SH3BGR: variants seen among roughly 807,000 people sequenced by gnomAD.
SH3BGR encodes the protein SH3 domain-binding glutamic acid-rich protein.
A neutral mutation model predicts 24.5 loss-of-function variants in SH3BGR; 29 were observed. The observed-to-expected ratio is 1.18, with a 90% CI of 0.88 to 1.61. The LOEUF is 1.61. SH3BGR is among the 40% of genes most tolerant of loss of function. The pLI is 0.00. For missense variants in SH3BGR, 162 were observed against 205.8 expected (o/e 0.79, Z 1.30); for synonymous variants, 55 against 65.7 (o/e 0.84, Z 0.79).
intron 3 of SH3BGR, among the ~76,000 whole-genome samples, chr21:39,497,568 A>T (rs1009427622): frequency 6.6e-6 from 1 of 152,074 alleles, no homozygotes; most frequent in African/African-American, 2.4e-5. Flanking sequence ...ATATAGAAAG[A>T]TACTCTAAAA....
chr21:39,480,846 T>C (rs1602119458), intron 3 of SH3BGR, among the ~76,000 whole-genome samples: 1 of 149,226 alleles, frequency 6.7e-6, no homozygotes, highest in African/African-American at 2.4e-5. Flanking sequence ...CTGATGCTCA[T>C]TTCTGTTTAA....
chr21:39,496,359 G>A (rs534758899), intron 3 of SH3BGR, among the ~76,000 whole-genome samples: 43 of 151,916 alleles, frequency 2.8e-4, no homozygotes, highest in African/African-American at 1.0e-3. Context: ...AATTAGCCGG[G>A]TGCGGTGGCG....
chr21:39,514,518 T>C (rs894143369), intron 6 of SH3BGR, among the ~76,000 whole-genome samples: 1 of 152,134 alleles, frequency 6.6e-6, no homozygotes, highest in Non-Finnish European at 1.5e-5. Flanking sequence ...CGCACTACTA[T>C]GCCTGGCTAA....
chr21:39,458,943 G>A (rs546852962), intron 1 of SH3BGR, among the ~76,000 whole-genome samples: 33 of 152,058 alleles, frequency 2.2e-4, no homozygotes, highest in Middle Eastern at 3.4e-3. Flanking sequence ...CACCGTACCC[G>A]GCCAAGTTTT....
chr21:39,510,943 A>G (rs962537373), intron 5 of SH3BGR, among the ~76,000 whole-genome samples: 1 of 138,216 alleles, frequency 7.2e-6, no homozygotes, highest in Non-Finnish European at 1.6e-5. Context: ...ATATATATAT[A>G]TATACTTTCT....
At chr21:39,502,966 G>A (rs1434716825) in intron 4 of SH3BGR, among the ~76,000 whole-genome samples, 2 of 149,128 alleles carry the variant, frequency 1.3e-5, no homozygotes, top group East Asian at 4.0e-4. Flanking sequence ...GGCCACCTCC[G>A]TCTTGCCAAT....
At chr21:39,482,478 T>C (rs1315142198) in intron 3 of SH3BGR, among the ~76,000 whole-genome samples, 5 of 152,188 alleles carry the variant, frequency 3.3e-5, no homozygotes, top group African/African-American at 1.2e-4. Flanking sequence ...AGGGAGTTCT[T>C]GTTAGTTTTC....
At chr21:39,510,655 T>C (rs959212446) in intron 5 of SH3BGR, among the ~76,000 whole-genome samples, 1 of 152,102 alleles carries the variant, frequency 6.6e-6, no homozygotes, top group Admixed American at 6.5e-5. Context: ...CCATGATTTC[T>C]CAATATTTAC....
At chr21:39,471,664 G>A (rs928959180) in intron 2 of SH3BGR, among the ~76,000 whole-genome samples, 1 of 151,962 alleles carries the variant, frequency 6.6e-6, no homozygotes, top group Non-Finnish European at 1.5e-5. Flanking sequence ...GTCTTGCTAT[G>A]TTGCCCAGGC....
upstream of SH3BGR, among the ~76,000 whole-genome samples, chr21:39,448,810 A>C (rs1388124148): frequency 6.6e-6 from 1 of 152,206 alleles, no homozygotes; most frequent in African/African-American, 2.4e-5. Flanking sequence ...TAGCCAACAC[A>C]ACTTCAGCTG....
At chr21:39,479,235 G>GTGGTGGTGA (rs1555912283) in intron 3 of SH3BGR, among the ~76,000 whole-genome samples, 29 of 125,548 alleles carry the variant, frequency 2.3e-4, no homozygotes, top group Non-Finnish European at 3.1e-4. Context: ...GGTGGTGGTG[G>GTGGTGGTGA]TGGTGGTGGT....
chr21:39,450,367 C>T (rs1602054501), upstream of SH3BGR, among the ~76,000 whole-genome samples: 4 of 152,188 alleles, frequency 2.6e-5, no homozygotes, highest in Admixed American at 2.6e-4. Flanking sequence ...TCACCTCAAT[C>T]ATTCATTGTG....
chr21:39,499,915 TG>T lies in SH3BGR; in HGVS notation c.405+1del. ...ACCTCCCTGAAGCCCAGGAGAAGAA[TG>T]TGAGTTTTCGCTTTTTCACAGCAGT... On this transcript the variant is annotated splice_donor_variant, in intron 4 of 6. Coordinates refer to ENST00000333634, the MANE Select transcript of SH3BGR (RefSeq NM_007341.3). LOFTEE classifies it high-confidence loss of function. 6.2e-7 allele frequency: 1 copy of T among 1,610,038 alleles called. No individual in the cohort carries two copies. Among genetic ancestry groups the T allele is most frequent in the Non-Finnish European group, 8.5e-7 (1 of 1,176,558 alleles).
At chr21:39,482,292 GA>G (rs1465138782) in intron 3 of SH3BGR, among the ~76,000 whole-genome samples, 9 of 152,208 alleles carry the variant, frequency 5.9e-5, no homozygotes, top group Non-Finnish European at 4.4e-5. Flanking sequence ...TCAGTGTCAT[GA>G]AAGAAATAAA....
intron 2 of SH3BGR, among the ~76,000 whole-genome samples, chr21:39,465,850 C>G (rs767507865): frequency 2.8e-4 from 43 of 152,152 alleles, no homozygotes; most frequent in Admixed American, 1.0e-3. Flanking sequence ...TCTTGCCTCC[C>G]GTAGTGTTGG....
Position 39,499,892 on chromosome 21 carries a change from C to A in SH3BGR, c.382C>A (p.Leu128Ile). ...QKEGSEDVGN[L>I]PEAQEKNEEE... Reference sequence around the variant, plus strand: ...AGAGGGCAGTGAAGATGTGGGCAACCTCCCTGAAGCCCAGGAGAAGAATGT... The same window carrying A: ...AGAGGGCAGTGAAGATGTGGGCAACATCCCTGAAGCCCAGGAGAAGAATGT... The change falls in exon 4 of 7, where the codon CTC (leucine) becomes ATC (isoleucine). Residue 128 changes from leucine to isoleucine, a missense_variant. Leu to Ile is a conservative substitution (Grantham distance 5, BLOSUM62 2). Coordinates refer to ENST00000333634, the MANE Select transcript of SH3BGR (RefSeq NM_007341.3). The A allele has an allele frequency of 6.2e-7, 1 of 1,612,998 alleles. No individual in the cohort carries two copies. The highest frequency in any genetic ancestry group is 8.5e-7 in the Non-Finnish European group (1 of 1,179,098).
intron 4 of SH3BGR, among the ~76,000 whole-genome samples, chr21:39,502,614 G>A (rs2078514504): frequency 6.6e-6 from 1 of 152,218 alleles, no homozygotes; most frequent in South Asian, 2.1e-4. Flanking sequence ...CCACCTCATG[G>A]CTGGCAGGAG....
At chr21:39,512,257 C>G (rs925346822) in intron 6 of SH3BGR, among the ~76,000 whole-genome samples, 1 of 152,106 alleles carries the variant, frequency 6.6e-6, no homozygotes, top group Non-Finnish European at 1.5e-5. Context: ...TAAATTATAA[C>G]CTTAAAAAAT....
chr21:39,449,553 T>A (rs1324257404), upstream of SH3BGR, among the ~76,000 whole-genome samples: 7 of 152,338 alleles, frequency 4.6e-5, no homozygotes, highest in Non-Finnish European at 1.0e-4. Flanking sequence ...GTTTGTGTCA[T>A]TAGTGTAATA....
Sources: gnomAD v4.1 joint callset for allele counts (sites outside exome capture counted in the v4.1 genomes callset) on GRCh38, gnomAD v4.1.1 for gene constraint, MANE v1.5 for transcripts, NCBI Gene and HGNC (gene_info 2026-07-23, HGNC 2026-07-21) for gene names.